RBM4: variants seen among roughly 807,000 people sequenced by gnomAD.
The protein encoded by RBM4 is RNA binding motif protein 4.
A neutral mutation model predicts 29.5 loss-of-function variants in RBM4; 7 were observed. The observed-to-expected ratio is 0.24, with a 90% CI of 0.14 to 0.45. The LOEUF (loss-of-function observed/expected upper bound fraction) is 0.45. Among genes scored for constraint, RBM4 ranks in the 20% least tolerant of loss-of-function variants. The pLI, the probability that RBM4 is intolerant of heterozygous loss-of-function variation, is 1.00. For synonymous variants in RBM4, 220 were observed against 205.4 expected (o/e 1.07, Z -0.61); for missense variants, 387 against 502.3 (o/e 0.77, Z 2.19).
At chr11:66,640,622 A>G (rs1267402181) in intron 2 of RBM4, 1 of 180,296 alleles carries the variant, frequency 5.5e-6, no homozygotes, top group East Asian at 1.5e-4. Flanking sequence ...TGTTGCTTTT[A>G]TATTATACCT....
At position 66,643,396 on chromosome 11, in the gene RBM4, G is replaced by T. The variant is rs1158077887; in HGVS notation, c.413-54G>T. 3.9e-6 allele frequency: 6 copies of T among 1,555,038 alleles called. No homozygotes were observed. The East Asian group carries it at 6.8e-5, about 18-fold the overall frequency. ...GCTATGACCAGTGTCTGGGGTAGGG[G>T]CTGGGGCTATGACTAAGAGTGATAG... is the stretch of plus-strand genomic sequence containing the variant. On this transcript the variant is annotated intron_variant, in intron 2 of 3. Coordinates refer to ENST00000310092, the MANE Select transcript of RBM4 (RefSeq NM_002896.4). The surrounding 1 kb of genome is among the most constrained non-coding windows in gnomAD (Gnocchi z 6.1).
At chr11:66,661,949 G>T (rs1443230431) in intron 2 of RBM4, among the ~76,000 whole-genome samples, 3 of 152,194 alleles carry the variant, frequency 2.0e-5, no homozygotes, top group Non-Finnish European at 4.4e-5. Context: ...AGAATTGCTT[G>T]AACCTGGGAG....
At chr11:66,661,285 C>T (rs1939079140) in intron 2 of RBM4, among the ~76,000 whole-genome samples, 1 of 152,144 alleles carries the variant, frequency 6.6e-6, no homozygotes, top group Non-Finnish European at 1.5e-5. Flanking sequence ...TTATTTCTCC[C>T]CTCCTTCCTT....
chr11:66,649,763 G>A (rs1392225856), downstream of RBM4: 2 of 701,850 alleles, frequency 2.8e-6, no homozygotes, highest in Non-Finnish European at 5.2e-6. Context: ...CCAAGCTGCA[G>A]TGTGGTGGCA....
rs993089901 is a variant in RBM4 at position 66,643,425 on chromosome 11, C to T, written c.413-25C>T. The T allele has an allele frequency of 1.8e-5, 28 of 1,579,588 alleles. No individual in the cohort carries two copies. The highest frequency in any genetic ancestry group is 2.3e-5 in the Non-Finnish European group (27 of 1,159,976). ...GGGCTATGACTAAGAGTGATAGCAA[C>T]CCTTCTTGCGTCTGTTTCTTCAAGG... On this transcript the variant is annotated intron_variant, in intron 2 of 3. Coordinates refer to ENST00000310092, the MANE Select transcript of RBM4 (RefSeq NM_002896.4). This position sits in a 1 kb window ranked among gnomAD's most constrained non-coding sequence, Gnocchi z 6.1.
At chr11:66,644,511 C>G (rs2135067510) in intron 3 of RBM4, 1 of 266,768 alleles carries the variant, frequency 3.7e-6, no homozygotes, top group East Asian at 1.3e-4. Flanking sequence ...TGTTAAGTTT[C>G]CTACGTGTGC....
intron 2 of RBM4, among the ~76,000 whole-genome samples, chr11:66,664,481 A>G (rs1207672068): frequency 6.7e-6 from 1 of 150,282 alleles, no homozygotes; most frequent in Non-Finnish European, 1.5e-5. Flanking sequence ...TTCTTTTGAG[A>G]TGGAGTTTCG....
At chr11:66,642,031 T>A (rs1179620755) in intron 2 of RBM4, among the ~76,000 whole-genome samples, 1 of 152,248 alleles carries the variant, frequency 6.6e-6, no homozygotes, top group Non-Finnish European at 1.5e-5. Flanking sequence ...AGTGGCCCCC[T>A]GGGCAAATGC....
At chr11:66,659,609 A>T (rs1421894902) in intron 2 of RBM4, among the ~76,000 whole-genome samples, 4 of 152,082 alleles carry the variant, frequency 2.6e-5, no homozygotes, top group African/African-American at 9.7e-5. Context: ...AACTTGGTAT[A>T]TCTGAGATAG....
chr11:66,641,352 T>C (rs543275505), intron 2 of RBM4, among the ~76,000 whole-genome samples: 17 of 152,188 alleles, frequency 1.1e-4, no homozygotes, highest in Non-Finnish European at 2.2e-4. Context: ...GTCTGATCAT[T>C]ATTTCCCCTA....
At chr11:66,650,573 A>ATAATAATAGGC (rs779255247), downstream of RBM4, among the ~76,000 whole-genome samples, 19 of 151,008 alleles carry the variant, frequency 1.3e-4, no homozygotes, top group Non-Finnish European at 8.9e-5. Context: ...GTCTGTCTTA[A>ATAATAATAGGC]TAATAATAGG....
At chr11:66,654,227 C>T (rs1390718871) in intron 2 of RBM4, among the ~76,000 whole-genome samples, 1 of 151,772 alleles carries the variant, frequency 6.6e-6, no homozygotes, top group African/African-American at 2.4e-5. Context: ...CGTGGTGGCT[C>T]ACACCTGTAA....
intron 2 of RBM4, chr11:66,665,676 A>G (rs531421945): frequency 8.1e-5 from 120 of 1,488,628 alleles, no homozygotes; most frequent in South Asian, 1.3e-4. Flanking sequence ...TTCCGGGGGG[A>G]AAAAAAAGAA....
downstream of RBM4, among the ~76,000 whole-genome samples, chr11:66,651,387 A>G (rs1229307971): frequency 6.7e-6 from 1 of 149,264 alleles, no homozygotes; most frequent in Non-Finnish European, 1.5e-5. Flanking sequence ...TTGCTCTGTC[A>G]CCCAGGTTGG....
At chr11:66,646,614 G>A, downstream of RBM4, 1 of 953,970 alleles carries the variant, frequency 1.0e-6, no homozygotes, top group Non-Finnish European at 1.2e-6. Context: ...AGGACTTGTA[G>A]GTGCCAGAGG....
At chr11:66,654,988 C>G (rs926335574) in intron 2 of RBM4, among the ~76,000 whole-genome samples, 1 of 151,554 alleles carries the variant, frequency 6.6e-6, no homozygotes, top group African/African-American at 2.4e-5. Context: ...CCACGCCCAG[C>G]TAAATTTTTT....
chr11:66,643,634 G>T lies in RBM4; in HGVS notation c.597G>T (p.Thr199=), dbSNP rs772243004. 6.2e-7 allele frequency: 1 copy of T among 1,614,156 alleles called. No individual in the cohort carries two copies. Residue 199 remains threonine, a synonymous_variant, in exon 3 of 4, where the codon ACG becomes ACT. Coordinates refer to ENST00000310092, the MANE Select transcript of RBM4 (RefSeq NM_002896.4). This position sits in a 1 kb window ranked among gnomAD's most constrained non-coding sequence, Gnocchi z 6.1. ...QYNEQYGAVR[T]PYTMSYGDSL... ...ATGAGCAATACGGAGCAGTGCGTAC[G>T]CCTTACACCATGAGCTATGGGGATT...
chr11:66,649,364 A>G (rs184216663), downstream of RBM4, among the ~76,000 whole-genome samples: 736 of 152,316 alleles, frequency 4.8e-3, 6 homozygotes, highest in African/African-American at 0.016. Context: ...TAGGCAACAT[A>G]GTAGGATCCC....
At chr11:66,657,411 G>C (rs1015026953) in intron 2 of RBM4, among the ~76,000 whole-genome samples, 3 of 151,722 alleles carry the variant, frequency 2.0e-5, no homozygotes, top group African/African-American at 4.8e-5. Context: ...GGCCGGGCGC[G>C]GTGGCTCACA....
Sources: gnomAD v4.1 joint callset for allele counts (sites outside exome capture counted in the v4.1 genomes callset) on GRCh38, gnomAD v4.1.1 for gene constraint, Gnocchi (gnomAD v3.1) non-coding constraint, MANE v1.5 for transcripts, NCBI Gene and HGNC (gene_info 2026-07-23, HGNC 2026-07-21) for gene names.